Variants in SP2 observed in about 807,000 individuals in gnomAD.
SP2 encodes transcription factor Sp2.
Under a neutral mutation model 50.1 loss-of-function variants are expected in SP2, and 9 were observed. The observed-to-expected ratio is 0.18, with a 90% CI of 0.11 to 0.31. The LOEUF (loss-of-function observed/expected upper bound fraction) is 0.31, where lower values mean the gene tolerates loss of function less well. Ranked by LOEUF, SP2 falls within the 10% of genes least tolerant of loss-of-function variation. The pLI, the probability that SP2 is intolerant of heterozygous loss-of-function variation, is 1.00. For synonymous variants in SP2, 313 were observed against 326.6 expected (o/e 0.96, Z 0.45); for missense variants, 581 against 806.5 (o/e 0.72, Z 3.39).
intron 1 of SP2, among the ~76,000 whole-genome samples, chr17:47,905,149 GT>G (rs1470718184): frequency 1.3e-5 from 2 of 152,152 alleles, no homozygotes; most frequent in African/African-American, 2.4e-5. Context: ...CACTACCAAG[GT>G]TGCTGCTTTC....
chr17:47,923,320 C>A, intron 4 of SP2, 46 bp downstream of exon 4: 2 of 1,476,348 alleles, frequency 1.4e-6, no homozygotes, highest in Non-Finnish European at 1.8e-6. Context: ...GGTACCTGCT[C>A]CTAGCAGGTG....
intron 1 of SP2, among the ~76,000 whole-genome samples, chr17:47,896,867 C>T (rs931492651): frequency 6.6e-6 from 1 of 152,170 alleles, no homozygotes; most frequent in Non-Finnish European, 1.5e-5. Flanking sequence ...TATCCCCAGT[C>T]GGGCGATGGT....
intron 6 of SP2, among the ~76,000 whole-genome samples, chr17:47,926,482 T>C (rs1208328585): frequency 6.6e-6 from 1 of 151,950 alleles, no homozygotes; most frequent in Non-Finnish European, 1.5e-5. Flanking sequence ...CTGGCTAATT[T>C]TAAAATTTTT....
intron 1 of SP2, among the ~76,000 whole-genome samples, chr17:47,907,538 C>T (rs983648179): frequency 7.9e-5 from 12 of 152,118 alleles, no homozygotes; most frequent in African/African-American, 2.7e-4. Flanking sequence ...AAGTTTTAGC[C>T]AACCTAACTT....
intron 1 of SP2, among the ~76,000 whole-genome samples, chr17:47,907,976 C>T (rs2034830455): frequency 6.6e-6 from 1 of 152,108 alleles, no homozygotes. Flanking sequence ...TCTGTAGTGG[C>T]AGGGAGATCG....
In SP2 at chr17:47,896,536, CG is replaced by C. The variant is rs2034339848; in HGVS notation, c.7+246del. Among the ~76,000 whole-genome samples the C allele has an allele frequency of 2.6e-5, 4 of 151,994 alleles. 1 individual carries two copies. In the South Asian group the frequency reaches 6.2e-4, roughly 24 times the overall value. ...GACTCCCCGCCCCCTCGGAGCCCGC[CG>C]GGCGGGAGGGCGGCGCTTCCGGGGG... On this transcript the variant is annotated intron_variant, in intron 1 of 6. Coordinates refer to ENST00000376741, the MANE Select transcript of SP2 (RefSeq NM_003110.6).
At chr17:47,902,858 C>T (rs2034597772) in intron 1 of SP2, among the ~76,000 whole-genome samples, 1 of 152,168 alleles carries the variant, frequency 6.6e-6, no homozygotes, top group South Asian at 2.1e-4. Context: ...CGGGTTCAAG[C>T]GATTCTCCTT....
In SP2 at chr17:47,928,353, A is replaced by G. The variant is rs1598179894; in HGVS notation, c.*529A>G. ...CACAACCTCTCCTCCAGCACATTCC[A>G]GCTCTATTTAAAAAGTAAAGACACC... On this transcript the variant is annotated 3_prime_UTR_variant, in exon 7 of 7. Transcript: ENST00000376741. 1 of 155,852 alleles carries G rather than the reference A, an allele frequency of 6.4e-6. No individual in the cohort carries two copies. 9.7% of individuals were successfully genotyped at this position (155,852 alleles called of 1,614,324 possible).
At chr17:47,912,164 T>C (rs548712732) in intron 1 of SP2, among the ~76,000 whole-genome samples, 1 of 152,336 alleles carries the variant, frequency 6.6e-6, no homozygotes, top group East Asian at 1.9e-4. Flanking sequence ...TGCTATTCCT[T>C]GTGGTCACTC....
intron 1 of SP2, chr17:47,909,625 C>T: frequency 1.3e-6 from 1 of 799,538 alleles, no homozygotes; most frequent in South Asian, 5.7e-5. Flanking sequence ...TAGAGCCTCA[C>T]AGAAATCCTA....
chr17:47,911,924 A>G (rs982840735), intron 1 of SP2, among the ~76,000 whole-genome samples: 2 of 152,236 alleles, frequency 1.3e-5, no homozygotes, highest in Admixed American at 1.3e-4. Context: ...TTGCAGCAGC[A>G]GACTTCTCAG....
At chr17:47,920,545 C>T (rs572108108) in intron 3 of SP2, among the ~76,000 whole-genome samples, 1 of 152,278 alleles carries the variant, frequency 6.6e-6, no homozygotes, top group African/African-American at 2.4e-5. Context: ...CTCAGCCTCC[C>T]AAAGTGCTGG....
intron 1 of SP2, among the ~76,000 whole-genome samples, chr17:47,912,260 C>A (rs1432943656): frequency 9.2e-5 from 14 of 152,130 alleles, no homozygotes; most frequent in Admixed American, 9.2e-4. Flanking sequence ...ATTACGGGAT[C>A]TGCATATATA....
chr17:47,930,286 G>A (rs2035793135), downstream of SP2, among the ~76,000 whole-genome samples: 1 of 152,182 alleles, frequency 6.6e-6, no homozygotes, highest in African/African-American at 2.4e-5. Flanking sequence ...TTAACAAAGT[G>A]ACCTCTTTTT....
rs546423761 is a variant in SP2 at position 47,916,383 on chromosome 17, C to T, written c.312C>T (p.Ser104=). 7.4e-6 allele frequency: 12 copies of T among 1,614,102 alleles called. No homozygotes were observed. The African/African-American group carries it at 1.6e-4, about 22-fold the overall frequency. ...TTCAGGGGTCACAACTGAGCGCCTCCTATCCTGGAGGGCAGCTGGTGTTCG... is the reference window on the plus strand; with the variant it reads ...TTCAGGGGTCACAACTGAGCGCCTCTTATCCTGGAGGGCAGCTGGTGTTCG... ...LQIQGSQLSA[S]YPGGQLVFAI... is the part of the protein sequence containing the mutation. Residue 104 remains serine (S), a synonymous_variant, in exon 3 of 7, where the codon TCC becomes TCT. Transcript: ENST00000376741. The surrounding 1 kb of genome is among the most constrained non-coding windows in gnomAD (Gnocchi z 4.7).
At chr17:47,917,627 T>G (rs1304857268) in intron 3 of SP2, among the ~76,000 whole-genome samples, 6 of 560 alleles carry the variant, frequency 0.011, no homozygotes, top group Admixed American at 0.25. Context: ...TTTAGGGTGT[T>G]TTTTTTTTTT....
intron 3 of SP2, among the ~76,000 whole-genome samples, chr17:47,922,069 T>C (rs1241484731): frequency 6.6e-6 from 1 of 152,182 alleles, no homozygotes; most frequent in Non-Finnish European, 1.5e-5. Context: ...CACCACAGTG[T>C]TCCGTCTAGC....
chr17:47,915,155 G>A (rs1214380770), intron 1 of SP2, among the ~76,000 whole-genome samples, 157 bp from the exon 2 acceptor site: 2 of 151,698 alleles, frequency 1.3e-5, no homozygotes, highest in African/African-American at 4.8e-5. Context: ...GGAGGTTGCC[G>A]TGAGCCTAGA....
At position 47,921,291 on chromosome 17, in the gene SP2, C is replaced by T. The variant is rs200996583; in HGVS notation, c.1060-1671C>T. 2.6e-5 allele frequency among the ~76,000 whole-genome samples: 4 copies of T among 152,308 alleles called. No individual in the cohort carries two copies. In the South Asian group the frequency reaches 8.3e-4, roughly 32 times the overall value. ...TGAGATGGAGTCTCGCTCTGTCACC[C>T]AGGCTGGAGTGCAGTGGCACAATCT... On this transcript the variant is annotated intron_variant, in intron 3 of 6. Coordinates refer to ENST00000376741, the MANE Select transcript of SP2 (RefSeq NM_003110.6).
Sources: gnomAD v4.1 joint callset for allele counts (sites outside exome capture counted in the v4.1 genomes callset) on GRCh38, gnomAD v4.1.1 for gene constraint, Gnocchi (gnomAD v3.1) non-coding constraint, MANE v1.5 for transcripts, NCBI Gene and HGNC (gene_info 2026-07-23, HGNC 2026-07-21) for gene names.